Variants in ACYP2 observed in about 807,000 individuals in gnomAD.
The protein encoded by ACYP2 is acylphosphatase 2, also known as acylphosphatase-2.
Under a neutral mutation model 11.2 loss-of-function variants are expected in ACYP2, and 12 were observed. The ratio of observed to expected loss-of-function variants is 1.08; its 90% confidence interval spans 0.69 to 1.74. The LOEUF (loss-of-function observed/expected upper bound fraction) is 1.74. Among genes scored for constraint, ACYP2 ranks in the 40% most tolerant of loss-of-function variants. The pLI, the probability that ACYP2 is intolerant of heterozygous loss-of-function variation, is 0.00. For missense variants in ACYP2, 134 were observed against 101.9 expected, an observed-to-expected ratio of 1.31 and a Z score of -1.35; for synonymous variants, 43 against 32.2, an observed-to-expected ratio of 1.33 and a Z score of -1.13.
chr2:54,128,809 A>G (rs1209292026), intron 4 of ACYP2, among the ~76,000 whole-genome samples: 2 of 152,030 alleles, frequency 1.3e-5, no homozygotes, highest in Non-Finnish European at 2.9e-5. Context: ...CGGAAGTCAT[A>G]CACAATTGAA....
chr2:54,075,181 A>G (rs1303013215), intron 4 of ACYP2, among the ~76,000 whole-genome samples: 1 of 152,164 alleles, frequency 6.6e-6, no homozygotes, highest in Non-Finnish European at 1.5e-5. Flanking sequence ...CTATTAACAG[A>G]TTTAGTAATG....
chr2:54,006,021 T>A (rs1378354188), intron 2 of ACYP2, among the ~76,000 whole-genome samples: 1 of 151,720 alleles, frequency 6.6e-6, no homozygotes, highest in Non-Finnish European at 1.5e-5. Flanking sequence ...TCTCACTCTG[T>A]CACCCAGGTT....
At chr2:54,205,407 G>T (rs1002170221) in intron 6 of ACYP2, among the ~76,000 whole-genome samples, 11 of 152,180 alleles carry the variant, frequency 7.2e-5, no homozygotes, top group Non-Finnish European at 1.5e-4. Flanking sequence ...ACTGTTTTCT[G>T]TTCTTGTCCT....
At chr2:54,161,655 C>T (rs970031354) in intron 6 of ACYP2, among the ~76,000 whole-genome samples, 3 of 152,178 alleles carry the variant, frequency 2.0e-5, no homozygotes, top group South Asian at 4.2e-4. Context: ...AATACAACTG[C>T]CAAATTTTTA....
chr2:54,093,444 AT>A (rs1678340518), intron 4 of ACYP2, among the ~76,000 whole-genome samples: 1 of 152,252 alleles, frequency 6.6e-6, no homozygotes, highest in Admixed American at 6.5e-5. Flanking sequence ...TTTGACTCAA[AT>A]CTAATTTTAA....
In ACYP2 at chr2:54,023,481, A is replaced by G. The variant is rs184624367; in HGVS notation, c.63-27477A>G. On this transcript the variant is annotated intron_variant, in intron 2 of 6. Transcript: ENST00000607452. ...TTATCATTTTGTTTTCCTGTAGTCA[A>G]AGTTTGAGAATTTCAGGTGCTTTAT... Among the ~76,000 whole-genome samples the G allele has an allele frequency of 1.8e-4, 28 of 152,154 alleles. No homozygotes were observed. The East Asian group carries it at 4.8e-3, about 26-fold the overall frequency.
At chr2:54,183,033 C>T (rs1221023334) in intron 6 of ACYP2, among the ~76,000 whole-genome samples, 9 of 152,168 alleles carry the variant, frequency 5.9e-5, no homozygotes, top group African/African-American at 9.7e-5. Context: ...TTAACATAAA[C>T]GGCCCACGAT....
intron 2 of ACYP2, among the ~76,000 whole-genome samples, chr2:54,028,555 T>A (rs532159010): frequency 6.6e-6 from 1 of 152,268 alleles, no homozygotes; most frequent in Non-Finnish European, 1.5e-5. Context: ...CTTCTCTGAG[T>A]TTTTATTAAC....
intron 6 of ACYP2, among the ~76,000 whole-genome samples, chr2:54,173,207 G>A (rs1683289436): frequency 6.6e-6 from 1 of 152,174 alleles, no homozygotes; most frequent in Admixed American, 6.5e-5. Flanking sequence ...TCCAGCATCT[G>A]TTGTTTCCTG....
In ACYP2 at chr2:54,165,529, T is replaced by TCACA. The variant is rs1266993483; in HGVS notation, c.404+26782_404+26783insACAC. Among the ~76,000 whole-genome samples, 1,160 of 143,054 alleles carry TCACA rather than the reference T, an allele frequency of 8.1e-3. 3 individuals are homozygous for TCACA. Among genetic ancestry groups the TCACA allele is most frequent in the East Asian group, 0.012 (60 of 4,920 alleles). 93.8% of individuals were successfully genotyped at this position (143,054 alleles called of 152,430 possible). On this transcript the variant is annotated intron_variant, in intron 6 of 6. Transcript: ENST00000607452. ...CTCTCTCTTTCACTCTCTCTCTCTCTCTCTCTCACACACACACACACACAC... is the reference window on the plus strand; with the variant it reads ...CTCTCTCTTTCACTCTCTCTCTCTCTCACACTCTCTCACACACACACACACACAC...
chr2:54,296,200 C>A (rs1345447733), intron 6 of ACYP2, among the ~76,000 whole-genome samples: 1 of 152,180 alleles, frequency 6.6e-6, no homozygotes, highest in Admixed American at 6.5e-5. Flanking sequence ...GGGCCCTTTT[C>A]ACATAGGGGC....
intron 6 of ACYP2, among the ~76,000 whole-genome samples, chr2:54,139,322 G>A (rs1391602739): frequency 1.3e-5 from 2 of 152,160 alleles, no homozygotes; most frequent in Admixed American, 6.5e-5. Flanking sequence ...ACAGTTAAGT[G>A]CTTTATTTAT....
chr2:54,199,773 C>G (rs1684680847), intron 6 of ACYP2, among the ~76,000 whole-genome samples: 1 of 152,180 alleles, frequency 6.6e-6, no homozygotes, highest in Admixed American at 6.5e-5. Context: ...AGCTGCAGAG[C>G]CAGGATTTCA....
At chr2:54,070,285 A>AAG (rs1676967062) in intron 4 of ACYP2, among the ~76,000 whole-genome samples, 1 of 151,834 alleles carries the variant, frequency 6.6e-6, no homozygotes, top group African/African-American at 2.4e-5. Flanking sequence ...AAAAAAAAAA[A>AAG]AAAGAAAGAA....
chr2:54,114,912 C>T (rs1421476351), intron 4 of ACYP2, among the ~76,000 whole-genome samples: 2 of 152,150 alleles, frequency 1.3e-5, no homozygotes. Flanking sequence ...TAAAAGCTGG[C>T]TTGGTAGTCA....
chr2:54,158,250 C>T (rs1441026509), intron 6 of ACYP2, among the ~76,000 whole-genome samples: 1 of 151,096 alleles, frequency 6.6e-6, no homozygotes, highest in Non-Finnish European at 1.5e-5. Context: ...CCACATTGGC[C>T]AGCCTGGTCA....
chr2:54,012,908 GTCT>G (rs1673458232), intron 2 of ACYP2, among the ~76,000 whole-genome samples: 1 of 152,012 alleles, frequency 6.6e-6, no homozygotes. Context: ...GCTCTGACCT[GTCT>G]TCTTCTCTGA....
chr2:54,136,713 C>T (rs915068498), intron 5 of ACYP2, among the ~76,000 whole-genome samples: 4 of 152,106 alleles, frequency 2.6e-5, no homozygotes, highest in East Asian at 1.9e-4. Flanking sequence ...CAGTGGCTCG[C>T]GCCTGTAATC....
rs746907166 is a variant in ACYP2 at position 54,178,754 on chromosome 2, T to G, written c.404+40006T>G. 2.6e-5 allele frequency among the ~76,000 whole-genome samples: 4 copies of G among 152,138 alleles called. No individual in the cohort carries two copies. In the South Asian group the frequency reaches 8.3e-4, roughly 32 times the overall value. On this transcript the variant is annotated intron_variant, in intron 6 of 6. Coordinates refer to ENST00000607452, the MANE Select transcript of ACYP2 (RefSeq NM_001320586.2). ...GATCACCATGTAACTTGAGTAAAAA[T>G]AGCACCATAATTGAAAACACTAAGA... is the stretch of plus-strand genomic sequence containing the variant.
Sources: gnomAD v4.1 joint callset for allele counts (sites outside exome capture counted in the v4.1 genomes callset) on GRCh38, gnomAD v4.1.1 for gene constraint, MANE v1.5 for transcripts, NCBI Gene and HGNC (gene_info 2026-07-23, HGNC 2026-07-21) for gene names.